YTHDF1: variants seen among roughly 807,000 people sequenced by gnomAD.
YTHDF1 encodes the protein YTH domain-containing family protein 1.
Under a neutral mutation model 49.1 loss-of-function variants are expected in YTHDF1, and 16 were observed. The ratio of observed to expected loss-of-function variants is 0.33; its 90% CI spans 0.22 to 0.49. The LOEUF (loss-of-function observed/expected upper bound fraction) is 0.49. Among genes scored for constraint, YTHDF1 ranks in the 20% least tolerant of loss-of-function variants. YTHDF1 has a pLI of 0.99. For synonymous variants in YTHDF1, 313 were observed against 290.1 expected (o/e 1.08, Z -0.80); for missense variants, 621 against 744.3 (o/e 0.83, Z 1.93).
chr20:63,202,771 C>G lies in YTHDF1; in HGVS notation c.1169G>C (p.Arg390Pro). 1 of 1,614,172 alleles carries G rather than the reference C, an allele frequency of 6.2e-7. No homozygotes were observed. The highest frequency in any genetic ancestry group is 8.5e-7 in the Non-Finnish European group (1 of 1,180,048). Residue 390 changes from arginine (R) to proline (P), a missense_variant, in exon 4 of 5, where the codon CGT (arginine) becomes CCT (proline). Transcript: ENST00000370339. ...AGAGTAGCTCTTGATGATGAACACA[C>G]GCCCGCTTTTCAGATTCCACTCAAA... Reference protein sequence around the residue: ...KEFEWNLKSGRVFIIKSYSED... With the variant: ...KEFEWNLKSGPVFIIKSYSED...
intron 4 of YTHDF1, among the ~76,000 whole-genome samples, chr20:63,200,922 G>A (rs1002432337): frequency 3.9e-5 from 6 of 152,140 alleles, no homozygotes; most frequent in Admixed American, 6.5e-5. Context: ...GCTATTGTCT[G>A]TAATCCCAGC....
chr20:63,212,192 G>A (rs1230796107), intron 3 of YTHDF1, among the ~76,000 whole-genome samples: 4 of 152,222 alleles, frequency 2.6e-5, no homozygotes, highest in African/African-American at 7.2e-5. Flanking sequence ...CTGCCCAGAG[G>A]AAGGGCAGAT....
Position 63,203,358 on chromosome 20 carries a change from G to T in YTHDF1, c.582C>A (p.Asp194Glu). 1 of 1,613,080 alleles carries T rather than the reference G, an allele frequency of 6.2e-7. No individual in the cohort carries two copies. Among genetic ancestry groups the T allele is most frequent in the Non-Finnish European group, 8.5e-7 (1 of 1,179,728 alleles). ...EQGMVGLKIG[D>E]VSSSAVKTVG... ...CCGTCTTGACGGCGGAGGAGCTGAC[G>T]TCCCCAATCTTCAGGCCAACCATGC... is the stretch of plus-strand genomic sequence containing the variant. Residue 194 changes from aspartate to glutamate, a missense_variant, in exon 4 of 5, where the codon GAC becomes GAA. This residue lies in a region of YTHDF1 where 470 missense variants were observed against 495.8 expected (regional missense o/e 0.95). Transcript: ENST00000370339. The surrounding 1 kb of genome is among the most constrained non-coding windows in gnomAD (Gnocchi z 4.4).
Position 63,202,596 on chromosome 20 carries a change from C to G in YTHDF1, c.1344G>C (p.Gly448=), listed in dbSNP as rs190889688. 8.1e-6 allele frequency: 13 copies of G among 1,614,156 alleles called. No individual in the cohort carries two copies. The highest frequency in any genetic ancestry group is 1.6e-4 in the Middle Eastern group (1 of 6,062). ...FSVNGSGHFC[G]VAEMKSPVDY... The stretch of plus-strand genomic sequence containing the variant: ...CCACGGGGGACTTCATCTCGGCCAC[C>G]CCACAAAAATGCCCACTCCCATTGA... The change falls in exon 4 of 5, where the codon GGG becomes GGC. Residue 448 remains glycine (G), a synonymous_variant. Transcript: ENST00000370339.
At chr20:63,213,492 T>C (rs1019664791) in intron 3 of YTHDF1, among the ~76,000 whole-genome samples, 1 of 152,162 alleles carries the variant, frequency 6.6e-6, no homozygotes, top group Non-Finnish European at 1.5e-5. Context: ...AGCCCAGCTC[T>C]TAGCTGCCTC....
Position 63,196,015 on chromosome 20 carries a change from T to G in YTHDF1, c.*693A>C, listed in dbSNP as rs922259446. 2.0e-5 allele frequency: 3 copies of G among 151,988 alleles called. No homozygotes were observed. The highest frequency in any genetic ancestry group is 7.3e-5 in the African/African-American group (3 of 41,352). The allele number at this position is 151,988 out of a possible 1,614,324, so 9.4% of individuals were successfully genotyped here. A position where few individuals can be genotyped will look rare whatever the true frequency, so the allele number is the denominator to read the frequency against. On this transcript the variant is annotated 3_prime_UTR_variant, in exon 5 of 5. Coordinates refer to ENST00000370339, the MANE Select transcript of YTHDF1 (RefSeq NM_017798.4). Reference sequence around the variant, plus strand: ...GACCCTGAACCAGACCTAAAGCACCTTCCAGTTCCTCCACACATCATGCCC... The same window carrying G: ...GACCCTGAACCAGACCTAAAGCACCGTCCAGTTCCTCCACACATCATGCCC...
At chr20:63,215,004 T>C (rs1219987235) in intron 2 of YTHDF1, among the ~76,000 whole-genome samples, 1 of 152,190 alleles carries the variant, frequency 6.6e-6, no homozygotes, top group East Asian at 1.9e-4. Flanking sequence ...TGCTGGGCCT[T>C]TTCCAATCTT....
chr20:63,199,814 T>A (rs2066509472), intron 4 of YTHDF1, among the ~76,000 whole-genome samples: 2 of 145,572 alleles, frequency 1.4e-5, no homozygotes, highest in African/African-American at 5.1e-5. Context: ...ATCCCAGCAC[T>A]TTGTGAAGCC....
chr20:63,198,222 C>T (rs1419050325), intron 4 of YTHDF1, among the ~76,000 whole-genome samples: 1 of 149,960 alleles, frequency 6.7e-6, no homozygotes, highest in African/African-American at 2.5e-5. Flanking sequence ...TGCCTGAGCT[C>T]AGGAATTTGA....
At chr20:63,209,950 G>C (rs1370815223) in intron 3 of YTHDF1, among the ~76,000 whole-genome samples, 4 of 152,174 alleles carry the variant, frequency 2.6e-5, no homozygotes, top group Non-Finnish European at 5.9e-5. Flanking sequence ...TAAGTAGGCA[G>C]AATATGCTCT....
chr20:63,200,051 TCAAAAA>T (rs781113091), intron 4 of YTHDF1, among the ~76,000 whole-genome samples: 3 of 150,216 alleles, frequency 2.0e-5, no homozygotes, highest in African/African-American at 4.9e-5. Context: ...AAGACCTGTC[TCAAAAA>T]CAAAAACAAA....
At chr20:63,204,370 CA>C (rs2066534683) in intron 3 of YTHDF1, among the ~76,000 whole-genome samples, 1 of 152,204 alleles carries the variant, frequency 6.6e-6, no homozygotes, top group Non-Finnish European at 1.5e-5. Context: ...ATACCTGGAC[CA>C]AAGCTCTCCC....
chr20:63,205,282 C>T (rs2066540401), intron 3 of YTHDF1, among the ~76,000 whole-genome samples: 2 of 152,114 alleles, frequency 1.3e-5, no homozygotes, highest in South Asian at 4.1e-4. Context: ...CTGTGGGATC[C>T]CAGACAATGA....
chr20:63,200,234 G>A lies in YTHDF1; in HGVS notation c.1653+2053C>T, dbSNP rs184339989. ...AATTTAGCTGGGTGCAGTGGTGGGCGCCTATGATCCCAGCTACTTGGGAGG... is the reference window on the plus strand; with the variant it reads ...AATTTAGCTGGGTGCAGTGGTGGGCACCTATGATCCCAGCTACTTGGGAGG... On this transcript the variant is annotated intron_variant, in intron 4 of 4. Coordinates refer to ENST00000370339, the MANE Select transcript of YTHDF1 (RefSeq NM_017798.4). Among the ~76,000 whole-genome samples the A allele has an allele frequency of 1.9e-4, 29 of 151,908 alleles. No individual in the cohort carries two copies. In the East Asian group the frequency reaches 5.2e-3, roughly 27 times the overall value.
intron 2 of YTHDF1, among the ~76,000 whole-genome samples, chr20:63,214,657 CG>C (rs2066592737): frequency 6.6e-6 from 1 of 152,052 alleles, no homozygotes; most frequent in Non-Finnish European, 1.5e-5. Context: ...AAGAGACAAA[CG>C]GCTGCATTCT....
At chr20:63,197,427 G>A (rs908413813) in intron 4 of YTHDF1, among the ~76,000 whole-genome samples, 1 of 152,216 alleles carries the variant, frequency 6.6e-6, no homozygotes, top group Admixed American at 6.5e-5. Context: ...CTTTTCCAGA[G>A]TGTATGTGAC....
rs557692842 is a variant in YTHDF1, at chr20:63,208,980, ACT to A, written c.132+4882_132+4883del. On this transcript the variant is annotated intron_variant, in intron 3 of 4. Transcript: ENST00000370339. ...CATGGAGGCAGTATCCTTACCACACACTGAGGCCGTAACCTGTACAGTGTGTA... is the reference window on the plus strand; with the variant it reads ...CATGGAGGCAGTATCCTTACCACACAGAGGCCGTAACCTGTACAGTGTGTA... Among the ~76,000 whole-genome samples, 76 of 152,342 alleles carry A rather than the reference ACT, an allele frequency of 5.0e-4. 1 individual carries two copies. Among genetic ancestry groups the A allele is most frequent in the Admixed American group, 1.1e-3 (17 of 15,306 alleles).
chr20:63,202,152 C>T lies in YTHDF1; in HGVS notation c.1653+135G>A. ...GCCAGGACCTGGGCCCGCCCACCTG[C>T]GGCCAACTGGGAGCTGCCTGTCACG... On this transcript the variant is annotated intron_variant, in intron 4 of 4. Transcript: ENST00000370339. 9.0e-6 allele frequency: 11 copies of T among 1,224,776 alleles called. 1 individual carries two copies. Among genetic ancestry groups the T allele is most frequent in the South Asian group, 8.8e-5 (6 of 67,966 alleles). The allele number at this position is 1,224,776 out of a possible 1,614,324, so 75.9% of individuals were successfully genotyped here.
Position 63,203,679 on chromosome 20 carries a change from G to A in YTHDF1, c.261C>T (p.Thr87=). ...CTCCGTTACTGAGCTGTCCGTAGGT[G>A]GTGAGGTATGGAATCGGAGGGTCCC... ...TAGDPPIPYL[T]TYGQLSNGDH... is the part of the protein sequence containing the mutation. Residue 87 remains threonine, a synonymous_variant, in exon 4 of 5, where the codon ACC becomes ACT. Transcript: ENST00000370339. The surrounding 1 kb of genome is among the most constrained non-coding windows in gnomAD (Gnocchi z 4.4). 4 of 1,614,174 alleles carry A rather than the reference G, an allele frequency of 2.5e-6. No individual in the cohort carries two copies. The highest frequency in any genetic ancestry group is 3.4e-6 in the Non-Finnish European group (4 of 1,180,032).
Sources: gnomAD v4.1 joint callset for allele counts (sites outside exome capture counted in the v4.1 genomes callset) on GRCh38, gnomAD v4.1.1 for gene constraint, gnomAD v4.1.1 regional missense constraint, Gnocchi (gnomAD v3.1) non-coding constraint, MANE v1.5 for transcripts, NCBI Gene and HGNC (gene_info 2026-07-23, HGNC 2026-07-21) for gene names.